TACC2: variants seen among roughly 807,000 people sequenced by gnomAD.
TACC2 encodes the protein transforming acidic coiled-coil containing protein 2, also known as transforming acidic coiled-coil-containing protein 2.
A neutral mutation model predicts 227.3 loss-of-function variants in TACC2; 137 were observed. The ratio of observed to expected loss-of-function variants is 0.60; its 90% confidence interval spans 0.52 to 0.69. TACC2 has a LOEUF of 0.69. Ranked by LOEUF, TACC2 falls within the 30% of genes least tolerant of loss-of-function variation. The pLI is 0.00. For missense variants in TACC2, 3,470 were observed against 3,694.4 expected (o/e 0.94, Z 1.57); for synonymous variants, 1,523 against 1,487.5 (o/e 1.02, Z -0.55).
chr10:122,085,871 G>A lies in TACC2; in HGVS notation c.3371G>A (p.Gly1124Asp), dbSNP rs2080044810. ...LASFPSAGEQ[G>D]GEAGAAETGG... ...AGTTTCCCATCAGCTGGGGAGCAAG[G>A]TGGTGAAGCCGGGGCTGCTGAGACT... Residue 1124 changes from glycine (G) to aspartate (D), a missense_variant, in exon 4 of 23, where the codon GGT becomes GAT. Physicochemically the swap from Gly to Asp is moderately conservative, Grantham distance 94 (BLOSUM62 -1). Transcript: ENST00000369005. The A allele has an allele frequency of 6.2e-7, 1 of 1,613,344 alleles. No individual in the cohort carries two copies. The highest frequency in any genetic ancestry group is 8.5e-7 in the Non-Finnish European group (1 of 1,179,672).
Position 122,211,479 on chromosome 10 carries a change from T to G in TACC2, c.7054T>G (p.Ser2352Ala). The change falls in exon 9 of 23, where the codon TCC becomes GCC. Residue 2352 changes from serine to alanine, a missense_variant. By Grantham distance (99) the Ser-to-Ala change is moderately conservative (BLOSUM62 1). Around this residue, in one of 10 missense-constraint regions of TACC2, gnomAD observed 593 missense variants for 636.6 expected, o/e 0.93. Transcript: ENST00000369005. ...WDDPNFNPFSSTSKMQESPKL... is the reference protein window; with the variant it reads ...WDDPNFNPFSATSKMQESPKL... ...TGACCCCAATTTTAACCCTTTTTCT[T>G]CCACCTCAAAAATGCAGGAGTCTCC... 6.2e-7 allele frequency: 1 copy of G among 1,614,044 alleles called. No homozygotes were observed. Among genetic ancestry groups the G allele is most frequent in the Non-Finnish European group, 8.5e-7 (1 of 1,180,012 alleles).
intron 6 of TACC2, among the ~76,000 whole-genome samples, chr10:122,134,870 G>T (rs932227413): frequency 6.6e-6 from 1 of 152,204 alleles, no homozygotes. Context: ...GGGTGTAATG[G>T]GTGCTTCTGA....
rs577302345 is a variant in TACC2, at chr10:122,035,624, A to G, written c.33+13610A>G. On this transcript the variant is annotated intron_variant, in intron 2 of 22. Transcript: ENST00000369005. ...TGCAGTAAAATATATATAACATAAG[A>G]TTTACCATTGTAACTATTTTTAAGT... 8.9e-4 allele frequency among the ~76,000 whole-genome samples: 136 copies of G among 152,248 alleles called. 1 individual carries two copies. The highest frequency in any genetic ancestry group is 3.0e-3 in the African/African-American group (123 of 41,542).
intron 2 of TACC2, among the ~76,000 whole-genome samples, chr10:122,033,961 G>A (rs992900284): frequency 6.6e-6 from 1 of 152,078 alleles, no homozygotes; most frequent in Non-Finnish European, 1.5e-5. Flanking sequence ...AGACCAGCCT[G>A]ACCAACATGG....
At chr10:122,247,846 G>A (rs1453785899) in intron 19 of TACC2, 1 of 152,162 alleles carries the variant, frequency 6.6e-6, no homozygotes, top group African/African-American at 2.4e-5. Context: ...CCCAGCATTA[G>A]TCACACAGTA....
intron 11 of TACC2, among the ~76,000 whole-genome samples, chr10:122,222,701 G>T (rs1054654804): frequency 6.6e-6 from 1 of 152,210 alleles, no homozygotes; most frequent in African/African-American, 2.4e-5. Flanking sequence ...ACTTTAGTGA[G>T]GCGAGCTGGT....
intron 5 of TACC2, among the ~76,000 whole-genome samples, chr10:122,100,255 C>T (rs938546639): frequency 1.4e-5 from 2 of 146,306 alleles, no homozygotes; most frequent in African/African-American, 5.2e-5. Flanking sequence ...CAGAGCGAGA[C>T]TCTGTCTCAA....
chr10:122,006,483 A>AAATAAATAAATAAATAAAT, intron 1 of TACC2, among the ~76,000 whole-genome samples: 1 of 106,602 alleles, frequency 9.4e-6, no homozygotes, highest in Non-Finnish European at 2.3e-5. Context: ...AATAAATAAA[A>AAATAAATAAATAAATAAAT]AATAGGATGC....
At chr10:122,199,755 T>A (rs1328270113) in intron 8 of TACC2, among the ~76,000 whole-genome samples, 1 of 152,202 alleles carries the variant, frequency 6.6e-6, no homozygotes, top group East Asian at 1.9e-4. Context: ...AGAAATGTAT[T>A]GCTTACAGTT....
At chr10:122,246,858 AATG>A (rs1400611126) in intron 19 of TACC2, 1 of 122,944 alleles carries the variant, frequency 8.1e-6, no homozygotes, top group Non-Finnish European at 1.7e-5. Flanking sequence ...CATCTGATAC[AATG>A]ATAAGGGGTG....
chr10:122,168,660 G>T (rs1255628599), intron 7 of TACC2, among the ~76,000 whole-genome samples: 1 of 152,200 alleles, frequency 6.6e-6, no homozygotes, highest in African/African-American at 2.4e-5. Flanking sequence ...CGAGGATGGG[G>T]TGAACAGCTA....
Position 122,085,006 on chromosome 10 carries a change from C to T in TACC2, c.2506C>T (p.Gln836Ter). 1 of 1,614,196 alleles carries T rather than the reference C, an allele frequency of 6.2e-7. No individual in the cohort carries two copies. The highest frequency in any genetic ancestry group is 8.5e-7 in the Non-Finnish European group (1 of 1,180,034). Residue 836 changes from glutamine (Q) to a stop codon, truncating the protein, a stop_gained, in exon 4 of 23, where the codon CAA (glutamine) becomes TAA (stop). Transcript: ENST00000369005. LOFTEE classifies it high-confidence loss of function. Reference sequence around the variant, plus strand: ...GAAGCATCTCCAGCCATCCCAGGCACAACCAGAGACATCCATCTTTGACGT... The same window carrying T: ...GAAGCATCTCCAGCCATCCCAGGCATAACCAGAGACATCCATCTTTGACGT... ...SEKHLQPSQA[Q>*]PETSIFDVLK...
At position 122,248,667 on chromosome 10, in the gene TACC2, T is replaced by C; in HGVS notation, c.8417T>C (p.Val2806Ala). 6.2e-7 allele frequency: 1 copy of C among 1,613,432 alleles called. No homozygotes were observed. Among genetic ancestry groups the C allele is most frequent in the East Asian group, 2.2e-5 (1 of 44,866 alleles). Residue 2806 changes from valine to alanine, a missense_variant, in exon 20 of 23, where the codon GTC (valine) becomes GCC (alanine). By Grantham distance (64) the Val-to-Ala change is moderately conservative. Coordinates refer to ENST00000369005, the MANE Select transcript of TACC2 (RefSeq NM_206862.4). ...MIEDEQREKS[V>A]SHQTVQQLVL... The stretch of plus-strand genomic sequence containing the variant: ...GAGGACGAACAGAGAGAGAAGTCAG[T>C]CTCCCACCAGACGGTGCAGCAGCTG...
intron 6 of TACC2, among the ~76,000 whole-genome samples, chr10:122,133,479 A>T (rs2088824814): frequency 6.6e-6 from 1 of 152,146 alleles, no homozygotes; most frequent in Admixed American, 6.5e-5. Flanking sequence ...ATGTCTCTCC[A>T]TACACACATG....
intron 10 of TACC2, among the ~76,000 whole-genome samples, 187 bp downstream of exon 10, chr10:122,215,638 A>T (rs956760904): frequency 6.6e-6 from 1 of 152,102 alleles, no homozygotes; most frequent in African/African-American, 2.4e-5. Flanking sequence ...GCGGAAGATC[A>T]GAGTGTGTCC....
intron 1 of TACC2, among the ~76,000 whole-genome samples, chr10:121,991,020 A>G (rs1181619564): frequency 6.6e-6 from 1 of 152,134 alleles, no homozygotes. Context: ...TCCTGACCTC[A>G]AGTGATCCAC....
rs548903458 is a variant in TACC2 at position 122,019,439 on chromosome 10, G to T, written c.-45-2498G>T. Among the ~76,000 whole-genome samples the T allele has an allele frequency of 8.5e-5, 13 of 152,332 alleles. No individual in the cohort carries two copies. In the South Asian group the frequency reaches 2.1e-3, roughly 24 times the overall value. On this transcript the variant is annotated intron_variant, in intron 1 of 22. Transcript: ENST00000369005. ...TTTTTAGAAAGAAAGGTTTGTTCCCGGCCCGACTGCATAAAGGGCAAGAGA... is the reference window on the plus strand; with the variant it reads ...TTTTTAGAAAGAAAGGTTTGTTCCCTGCCCGACTGCATAAAGGGCAAGAGA...
chr10:122,031,908 A>C (rs1959032119), intron 2 of TACC2, among the ~76,000 whole-genome samples: 1 of 150,452 alleles, frequency 6.6e-6, no homozygotes, highest in African/African-American at 2.5e-5. Flanking sequence ...CGGTCTCACT[A>C]TGTTGGCCAA....
chr10:122,243,446 A>C (rs1187215894), intron 19 of TACC2, among the ~76,000 whole-genome samples: 1 of 152,192 alleles, frequency 6.6e-6, no homozygotes, highest in African/African-American at 2.4e-5. Context: ...AGAGGCCAAC[A>C]ATTGAGTGCT....
Sources: gnomAD v4.1 joint callset for allele counts (sites outside exome capture counted in the v4.1 genomes callset) on GRCh38, gnomAD v4.1.1 for gene constraint, gnomAD v4.1.1 regional missense constraint, MANE v1.5 for transcripts, NCBI Gene and HGNC (gene_info 2026-07-23, HGNC 2026-07-21) for gene names.